WDR64: variants seen among roughly 807,000 people sequenced by gnomAD.
WDR64 encodes the protein WD repeat-containing protein 64.
A neutral mutation model predicts 139.3 loss-of-function variants in WDR64; 112 were observed. The observed-to-expected ratio is 0.80, with a 90% CI of 0.69 to 0.94. The LOEUF (loss-of-function observed/expected upper bound fraction) is 0.94, where lower values mean the gene tolerates loss of function less well. WDR64 is among the 40% of genes least tolerant of loss of function. The probability of loss-of-function intolerance (pLI) is 0.00; values close to 1 mark genes in which losing one functional copy is unlikely to be tolerated. For missense variants in WDR64, 1,206 were observed against 1,293.1 expected, an observed-to-expected ratio of 0.93 and a Z score of 1.03; for synonymous variants, 444 against 437.7, an observed-to-expected ratio of 1.01 and a Z score of -0.18.
intron 8 of WDR64, among the ~76,000 whole-genome samples, chr1:241,710,055 AAAAAG>A (rs1391005165): frequency 2.7e-5 from 4 of 150,576 alleles, no homozygotes; most frequent in Non-Finnish European, 4.4e-5. Flanking sequence ...TGTATTTTTA[AAAAAG>A]AAAAGAAAAA....
At chr1:241,670,402 T>G (rs1180507763) in intron 2 of WDR64, among the ~76,000 whole-genome samples, 1 of 152,102 alleles carries the variant, frequency 6.6e-6, no homozygotes, top group Non-Finnish European at 1.5e-5. Context: ...AGACAGTCAT[T>G]TGAGAGTGGC....
chr1:241,779,598 G>C (rs1166325951), intron 21 of WDR64, among the ~76,000 whole-genome samples: 2 of 152,140 alleles, frequency 1.3e-5, no homozygotes, highest in Non-Finnish European at 2.9e-5. Flanking sequence ...GGCCAAGGCG[G>C]GTGGATCATC....
intron 4 of WDR64, among the ~76,000 whole-genome samples, chr1:241,675,169 A>T (rs907922067): frequency 4.3e-3 from 28 of 6,556 alleles, no homozygotes; most frequent in African/African-American, 5.9e-3. Context: ...CCTACCTCCC[A>T]CCCTCCTTCC....
rs1452542816 is a variant in WDR64, at chr1:241,703,597, G to C, written c.975-8205G>C. Among the ~76,000 whole-genome samples, 1 of 152,152 alleles carries C rather than the reference G, an allele frequency of 6.6e-6. No individual in the cohort carries two copies. Among genetic ancestry groups the C allele is most frequent in the Non-Finnish European group, 1.5e-5 (1 of 68,040 alleles). ...ACATTTCTATTCTGTGTGACTCCGG[G>C]AAGTGGTTATTGTTAATCAGGTATT... On this transcript the variant is annotated intron_variant, in intron 8 of 27. Transcript: ENST00000437684. This position sits in a 1 kb window ranked among gnomAD's most constrained non-coding sequence, Gnocchi z 5.9.
intron 10 of WDR64, among the ~76,000 whole-genome samples, chr1:241,726,555 TA>T (rs1668848117): frequency 6.6e-6 from 1 of 152,040 alleles, no homozygotes; most frequent in Non-Finnish European, 1.5e-5. Flanking sequence ...GATGTACCAA[TA>T]AAGTAAAATT....
intron 14 of WDR64, 99 bp from the exon 15 acceptor site, chr1:241,757,184 G>C: frequency 9.3e-7 from 1 of 1,076,024 alleles, no homozygotes; most frequent in Non-Finnish European, 1.3e-6. Context: ...AAGCTAGATG[G>C]TAGATACATC....
chr1:241,801,042 C>T lies in WDR64; in HGVS notation c.3193-90C>T, dbSNP rs957674136. The T allele has an allele frequency of 1.3e-5, 12 of 953,972 alleles. No individual in the cohort carries two copies. In the African/African-American group the frequency reaches 1.5e-4, roughly 12 times the overall value. 59.1% of individuals were successfully genotyped at this position (953,972 alleles called of 1,614,324 possible). ...TTTTTTTCTAGGAGGATTAAAATCT[C>T]TATGTAAATTAGCAATACACCTTGA... On this transcript the variant is annotated intron_variant, in intron 27 of 27. Coordinates refer to ENST00000437684, the MANE Select transcript of WDR64 (RefSeq NM_001367482.1).
At chr1:241,784,815 G>A (rs1163670457) in intron 23 of WDR64, among the ~76,000 whole-genome samples, 1 of 151,480 alleles carries the variant, frequency 6.6e-6, no homozygotes, top group Non-Finnish European at 1.5e-5. Context: ...TTAGCCGGGC[G>A]TGGTGGCATG....
At chr1:241,725,211 C>T (rs1447591470) in intron 10 of WDR64, among the ~76,000 whole-genome samples, 2 of 151,958 alleles carry the variant, frequency 1.3e-5, no homozygotes, top group Non-Finnish European at 2.9e-5. Flanking sequence ...AAACTTCCTG[C>T]GTATTTGTTC....
At chr1:241,736,115 C>T (rs12085563) in intron 10 of WDR64, among the ~76,000 whole-genome samples, 3,604 of 152,164 alleles carry the variant, frequency 0.024, 136 homozygotes, top group African/African-American at 0.081. Flanking sequence ...ATGCTGCTAC[C>T]TCTGCTGTGG....
intron 8 of WDR64, 123 bp from the exon 9 acceptor site, chr1:241,711,679 C>A: frequency 1.1e-6 from 1 of 898,410 alleles, no homozygotes; most frequent in Non-Finnish European, 1.7e-6. Context: ...GTAATACGGC[C>A]TGGGGGCAAA....
At chr1:241,713,347 G>GGGAA (rs991339371) in intron 9 of WDR64, among the ~76,000 whole-genome samples, 1 of 138,866 alleles carries the variant, frequency 7.2e-6, no homozygotes, top group African/African-American at 2.7e-5. Flanking sequence ...AAGGGAGGGA[G>GGGAA]GGAGGGAGGG....
At position 241,771,712 on chromosome 1, in the gene WDR64, A is replaced by G; in HGVS notation, c.2290+15A>G. Reference sequence around the variant, plus strand: ...TGAGGTTAAAGGTCAGTATGAAATCACCTCTCTTCTTTATAATAAAGCAAC... The same window carrying G: ...TGAGGTTAAAGGTCAGTATGAAATCGCCTCTCTTCTTTATAATAAAGCAAC... On this transcript the variant is annotated intron_variant, in intron 19 of 27. Coordinates refer to ENST00000437684, the MANE Select transcript of WDR64 (RefSeq NM_001367482.1). 7.0e-7 allele frequency: 1 copy of G among 1,437,786 alleles called. No homozygotes were observed. Among genetic ancestry groups the G allele is most frequent in the Non-Finnish European group, 9.2e-7 (1 of 1,089,506 alleles). 89.1% of individuals were successfully genotyped at this position (1,437,786 alleles called of 1,614,324 possible). A position where few individuals can be genotyped will look rare whatever the true frequency, so the allele number is the denominator to read the frequency against.
At chr1:241,698,026 T>C (rs368648972) in intron 8 of WDR64, among the ~76,000 whole-genome samples, 22 of 152,300 alleles carry the variant, frequency 1.4e-4, no homozygotes, top group African/African-American at 4.6e-4. Context: ...TGGGTGATAG[T>C]TGTATTCTTC....
At chr1:241,790,951 A>C (rs6429315) in intron 25 of WDR64, among the ~76,000 whole-genome samples, 59,615 of 151,798 alleles carry the variant, frequency 0.39, 11,745 homozygotes, top group African/African-American at 0.43. Flanking sequence ...AAGAGAGAAG[A>C]CCGTATTCCT....
At chr1:241,741,406 T>C in intron 11 of WDR64, 110 bp from the exon 12 acceptor site, 1 of 831,516 alleles carries the variant, frequency 1.2e-6, no homozygotes, top group Non-Finnish European at 1.8e-6. Flanking sequence ...TTGATTGATA[T>C]TGCTAATCTC....
At chr1:241,705,559 A>AAACAAAT (rs1667914058) in intron 8 of WDR64, among the ~76,000 whole-genome samples, 1 of 136,668 alleles carries the variant, frequency 7.3e-6, no homozygotes, top group Non-Finnish European at 1.5e-5. Flanking sequence ...ATAAATAAAT[A>AAACAAAT]AATAATAATA....
chr1:241,799,896 C>A (rs919355526), intron 27 of WDR64, among the ~76,000 whole-genome samples: 1 of 152,036 alleles, frequency 6.6e-6, no homozygotes, highest in Non-Finnish European at 1.5e-5. Flanking sequence ...TATAAAAATC[C>A]ATTTTTTCCA....
intron 22 of WDR64, 94 bp from the exon 23 acceptor site, chr1:241,783,178 T>A (rs1279714439): frequency 9.2e-7 from 1 of 1,084,744 alleles, no homozygotes; most frequent in East Asian, 2.5e-5. Context: ...CTTCCACTCA[T>A]AAGCTTGGCT....
Sources: gnomAD v4.1 joint callset for allele counts (sites outside exome capture counted in the v4.1 genomes callset) on GRCh38, gnomAD v4.1.1 for gene constraint, Gnocchi (gnomAD v3.1) non-coding constraint, MANE v1.5 for transcripts, NCBI Gene and HGNC (gene_info 2026-07-23, HGNC 2026-07-21) for gene names.